Variants in VTI1A observed in about 807,000 individuals in gnomAD.
The protein encoded by VTI1A is vesicle transport through interaction with t-SNAREs 1A.
A neutral mutation model predicts 34.9 loss-of-function variants in VTI1A; 22 were observed. That is an observed-to-expected ratio of 0.63 (90% CI 0.45 to 0.90). The LOEUF (loss-of-function observed/expected upper bound fraction) is 0.90. Among genes scored for constraint, VTI1A ranks in the 40% least tolerant of loss-of-function variants. The pLI is 0.00. For synonymous variants in VTI1A, 87 were observed against 97.3 expected (o/e 0.89, Z 0.62); for missense variants, 268 against 275.6 (o/e 0.97, Z 0.20).
chr10:112,848,701 G>A, the VTI1A span, among the ~76,000 whole-genome samples: 1 of 152,270 alleles, frequency 6.6e-6, no homozygotes, highest in East Asian at 1.9e-4. Flanking sequence ...CAACCAGAAA[G>A]GGAAGCCAGA....
chr10:112,521,114 C>T (rs927577781), intron 3 of VTI1A, among the ~76,000 whole-genome samples: 2 of 151,970 alleles, frequency 1.3e-5, no homozygotes, highest in South Asian at 2.1e-4. Flanking sequence ...CACCTTCCAG[C>T]GAATGAGCTT....
intron 7 of VTI1A, among the ~76,000 whole-genome samples, chr10:112,686,009 A>G (rs1363768240): frequency 3.9e-5 from 6 of 152,208 alleles, no homozygotes; most frequent in African/African-American, 7.2e-5. Context: ...TACCTTCTCT[A>G]TAGCTACCTA....
intron 7 of VTI1A, among the ~76,000 whole-genome samples, chr10:112,741,065 A>G (rs555973763): frequency 6.5e-4 from 99 of 152,368 alleles, no homozygotes; most frequent in Non-Finnish European, 1.2e-3. Flanking sequence ...CACATAGTCT[A>G]TGAATCCATT....
At chr10:112,838,864 A>T in the VTI1A span, among the ~76,000 whole-genome samples, 1 of 152,206 alleles carries the variant, frequency 6.6e-6, no homozygotes, top group Non-Finnish European at 1.5e-5. Context: ...CCTGAGCCTC[A>T]CTTTGTCACC....
intron 3 of VTI1A, among the ~76,000 whole-genome samples, chr10:112,489,099 T>C (rs1848738667): frequency 6.6e-6 from 1 of 152,034 alleles, no homozygotes; most frequent in South Asian, 2.1e-4. Flanking sequence ...TACCCTGGAG[T>C]TTCTGATTCT....
intron 3 of VTI1A, among the ~76,000 whole-genome samples, chr10:112,525,111 G>A (rs984168958): frequency 1.3e-5 from 2 of 152,164 alleles, no homozygotes; most frequent in African/African-American, 4.8e-5. Context: ...TGCTGTGTGC[G>A]ATGGTCAAAA....
At chr10:112,772,354 G>A (rs1203093339) in intron 7 of VTI1A, among the ~76,000 whole-genome samples, 2 of 152,102 alleles carry the variant, frequency 1.3e-5, no homozygotes. Flanking sequence ...TATCTTCTTT[G>A]GAGATGTCTA....
At chr10:112,619,958 C>T (rs958625549) in intron 5 of VTI1A, among the ~76,000 whole-genome samples, 2 of 152,086 alleles carry the variant, frequency 1.3e-5, no homozygotes, top group African/African-American at 4.8e-5. Flanking sequence ...GGTCTCGACC[C>T]CTGGGTTGTA....
downstream of VTI1A, among the ~76,000 whole-genome samples, chr10:112,821,236 C>T (rs1368455272): frequency 1.3e-5 from 2 of 152,290 alleles, no homozygotes; most frequent in East Asian, 1.9e-4. Context: ...GCTCCGAAGC[C>T]GTATTGATCG....
intron 5 of VTI1A, among the ~76,000 whole-genome samples, chr10:112,546,031 C>CGTGTGT (rs1564821429): frequency 3.4e-5 from 5 of 145,322 alleles, no homozygotes; most frequent in African/African-American, 7.7e-5. Flanking sequence ...CGTGTATACG[C>CGTGTGT]GTATGTGTGT....
intron 7 of VTI1A, among the ~76,000 whole-genome samples, chr10:112,786,303 G>A (rs1015487694): frequency 1.3e-5 from 2 of 152,150 alleles, no homozygotes; most frequent in Admixed American, 6.5e-5. Context: ...TTGTGACCTT[G>A]CTAAATTTGT....
intron 5 of VTI1A, among the ~76,000 whole-genome samples, chr10:112,654,756 C>T: frequency 6.6e-6 from 1 of 152,192 alleles, no homozygotes; most frequent in Admixed American, 6.5e-5. Context: ...ACTGGGATTA[C>T]AGGCGTGAGC....
intron 5 of VTI1A, among the ~76,000 whole-genome samples, chr10:112,594,841 C>A (rs1325711698): frequency 2.0e-5 from 3 of 151,898 alleles, no homozygotes; most frequent in African/African-American, 7.3e-5. Context: ...AAAAAAGAAC[C>A]CGCATCGCCA....
At chr10:112,615,516 G>T (rs1464861567) in intron 5 of VTI1A, among the ~76,000 whole-genome samples, 1 of 152,140 alleles carries the variant, frequency 6.6e-6, no homozygotes, top group Non-Finnish European at 1.5e-5. Context: ...TTAGGTACAG[G>T]TGAGTTGGTG....
At chr10:112,486,895 A>G (rs770390145) in intron 3 of VTI1A, among the ~76,000 whole-genome samples, 1 of 151,538 alleles carries the variant, frequency 6.6e-6, no homozygotes, top group African/African-American at 2.4e-5. Context: ...TCTTCTATTT[A>G]TAGTGATTTT....
At chr10:112,763,309 A>G (rs1286011931) in intron 7 of VTI1A, among the ~76,000 whole-genome samples, 2 of 151,982 alleles carry the variant, frequency 1.3e-5, no homozygotes, top group Admixed American at 6.6e-5. Context: ...GCATGGTGGC[A>G]GGCGCCTGTA....
intron 7 of VTI1A, among the ~76,000 whole-genome samples, chr10:112,798,616 A>G (rs949327044): frequency 3.3e-5 from 5 of 152,162 alleles, no homozygotes; most frequent in African/African-American, 1.2e-4. Context: ...CAAAGGCCAC[A>G]CTACTCCTTG....
chr10:112,780,521 C>T (rs1852093489), intron 7 of VTI1A, among the ~76,000 whole-genome samples: 1 of 151,970 alleles, frequency 6.6e-6, no homozygotes, highest in African/African-American at 2.4e-5. Context: ...TTGCAGAAGG[C>T]GTTTCCAGTG....
At chr10:112,685,040 C>T (rs1590067344) in intron 7 of VTI1A, among the ~76,000 whole-genome samples, 1 of 152,242 alleles carries the variant, frequency 6.6e-6, no homozygotes, top group East Asian at 1.9e-4. Context: ...TTATGATACT[C>T]TGGAGTGACA....
Sources: gnomAD v4.1 joint callset for allele counts (sites outside exome capture counted in the v4.1 genomes callset) on GRCh38, gnomAD v4.1.1 for gene constraint, MANE v1.5 for transcripts, NCBI Gene and HGNC (gene_info 2026-07-23, HGNC 2026-07-21) for gene names.